The following ZKSCAN7 variants were observed in gnomAD, a reference collection of about 807,000 sequenced individuals.
ZKSCAN7 encodes zinc finger with KRAB and SCAN domains 7, also known as zinc finger protein with KRAB and SCAN domains 7.
Under a neutral mutation model 65.3 loss-of-function variants are expected in ZKSCAN7, and 38 were observed. The ratio of observed to expected loss-of-function variants is 0.58; its 90% confidence interval spans 0.45 to 0.76. The LOEUF is 0.76. Ranked by LOEUF, ZKSCAN7 falls within the 30% of genes least tolerant of loss-of-function variation. The probability of loss-of-function intolerance (pLI) is 0.00; values close to 1 mark genes in which losing one functional copy is unlikely to be tolerated. For missense variants in ZKSCAN7, 815 were observed against 913.3 expected (o/e 0.89, Z 1.39); for synonymous variants, 321 against 321.0 (o/e 1.00, Z 0.00).
intron 3 of ZKSCAN7, among the ~76,000 whole-genome samples, chr3:44,566,017 C>T (rs975665066): frequency 6.6e-6 from 1 of 152,194 alleles, no homozygotes; most frequent in Non-Finnish European, 1.5e-5. Context: ...GCATTTGATC[C>T]TGTCACAAAT....
chr3:44,567,883 C>T, intron 3 of ZKSCAN7, 29 bp from the exon 4 acceptor site: 1 of 675,464 alleles, frequency 1.5e-6, no homozygotes, highest in Admixed American at 2.8e-5. Flanking sequence ...CAGGGCTTGT[C>T]CCACTCATAG....
intron 5 of ZKSCAN7, among the ~76,000 whole-genome samples, chr3:44,581,210 G>C (rs1466675664): frequency 6.8e-6 from 1 of 147,130 alleles, no homozygotes; most frequent in African/African-American, 2.4e-5. Context: ...CTCACAGCGC[G>C]CGCGACGCCC....
chr3:44,578,803 C>T (rs1013957344), intron 5 of ZKSCAN7, among the ~76,000 whole-genome samples: 1 of 152,202 alleles, frequency 6.6e-6, no homozygotes, highest in Non-Finnish European at 1.5e-5. Flanking sequence ...GCTGGTGCTG[C>T]CTCTGGAGAT....
downstream of ZKSCAN7, among the ~76,000 whole-genome samples, chr3:44,575,164 T>G (rs1438167208): frequency 3.9e-5 from 6 of 152,132 alleles, no homozygotes; most frequent in Non-Finnish European, 8.8e-5. Context: ...GGTGTATTGG[T>G]GCATGCCTTT....
chr3:44,557,165 A>C lies in ZKSCAN7; in HGVS notation c.118A>C (p.Ser40Arg), dbSNP rs1699318317. Reference sequence around the variant, plus strand: ...AGCAAACCAGACCTGGGGGCAGGGCAGCAGTCTCCAGAAGAACTATCCTCC... The same window carrying C: ...AGCAAACCAGACCTGGGGGCAGGGCCGCAGTCTCCAGAAGAACTATCCTCC... ...EPANQTWGQG[S>R]SLQKNYPPVC... The change falls in exon 2 of 6, where the codon AGC (serine) becomes CGC (arginine). Residue 40 changes from serine to arginine, a missense_variant. Transcript: ENST00000426540. The C allele has an allele frequency of 1.2e-6, 2 of 1,614,268 alleles. No individual in the cohort carries two copies. Among genetic ancestry groups the C allele is most frequent in the Non-Finnish European group, 1.7e-6 (2 of 1,180,048 alleles).
At position 44,583,071 on chromosome 3, in the gene ZKSCAN7, C is replaced by T. The variant is rs1325146328; in HGVS notation, c.*80C>T. ...ACTCCTGAGTAGCTGGGATTACAGG[C>T]GCCTGCCACCATGCCCAGCTAATTT... On this transcript the variant is annotated 3_prime_UTR_variant, in exon 6 of 6. Transcript: ENST00000341840. The T allele has an allele frequency of 2.4e-5, 9 of 375,674 alleles. No individual in the cohort carries two copies. The East Asian group carries it at 4.6e-4, about 19-fold the overall frequency. 23.3% of individuals were successfully genotyped at this position (375,674 alleles called of 1,614,324 possible).
chr3:44,571,593 C>A lies in ZKSCAN7; in HGVS notation c.*218C>A. The A allele has an allele frequency of 7.5e-7, 1 of 1,338,676 alleles. No homozygotes were observed. The highest frequency in any genetic ancestry group is 9.5e-7 in the Non-Finnish European group (1 of 1,048,482). 82.9% of individuals were successfully genotyped at this position (1,338,676 alleles called of 1,614,324 possible). ...ACACATGTCATTGAATTGTAGGTTT[C>A]CTTTTTTTTTCTTTACTTTTAAATT... On this transcript the variant is annotated 3_prime_UTR_variant, in exon 6 of 6. Transcript: ENST00000426540.
chr3:44,569,296 G>A (rs184199343), intron 5 of ZKSCAN7, among the ~76,000 whole-genome samples: 22 of 152,306 alleles, frequency 1.4e-4, no homozygotes, highest in Non-Finnish European at 2.2e-4. Context: ...GCAAACACTG[G>A]GGCAGAACAG....
chr3:44,568,478 A>C (rs376875765), intron 5 of ZKSCAN7, 45 bp downstream of exon 5: 1 of 1,588,656 alleles, frequency 6.3e-7, no homozygotes, highest in African/African-American at 1.4e-5. Context: ...CATGCTGCAC[A>C]ATCTCTTTTC....
intron 2 of ZKSCAN7, among the ~76,000 whole-genome samples, chr3:44,560,074 C>T (rs949496609): frequency 6.6e-6 from 1 of 152,136 alleles, no homozygotes; most frequent in African/African-American, 2.4e-5. Flanking sequence ...AGCTAGCAGC[C>T]TCAGAAAAGG....
intron 3 of ZKSCAN7, among the ~76,000 whole-genome samples, chr3:44,566,141 A>G (rs949995006): frequency 1.3e-5 from 2 of 152,220 alleles, no homozygotes; most frequent in African/African-American, 4.8e-5. Context: ...GGCAGTAAAA[A>G]TGTGGAAGAA....
At position 44,557,251 on chromosome 3, in the gene ZKSCAN7, G is replaced by C; in HGVS notation, c.204G>C (p.Pro68=). Reference sequence around the variant, plus strand: ...TGTGTTACCACGAGATGTCTGGGCCGCAGGAAGCATTGAGCCGGCTTCGGG... The same window carrying C: ...TGTGTTACCACGAGATGTCTGGGCCCCAGGAAGCATTGAGCCGGCTTCGGG... ...RQLCYHEMSG[P]QEALSRLREL... The change falls in exon 2 of 6, where the codon CCG becomes CCC. Residue 68 remains proline, a synonymous_variant. Transcript: ENST00000426540. The C allele has an allele frequency of 6.2e-7, 1 of 1,614,288 alleles. No individual in the cohort carries two copies. Among genetic ancestry groups the C allele is most frequent in the South Asian group, 1.1e-5 (1 of 91,090 alleles).
Position 44,565,646 on chromosome 3 carries a change from G to A in ZKSCAN7, c.583G>A (p.Gly195Arg), listed in dbSNP as rs762487517. 2 of 1,598,462 alleles carry A rather than the reference G, an allele frequency of 1.3e-6. No individual in the cohort carries two copies. The highest frequency in any genetic ancestry group is 1.3e-5 in the African/African-American group (1 of 74,332). The part of the protein sequence containing the change: ...YDPGTHHLPS[G>R]DFAQCTSPVP... ...CCCAGGGACACACCACCTCCCCAGT[G>A]GGGACTTCGGTACTTATCTCCCCAG... Residue 195 changes from glycine to arginine, a missense_variant, in exon 3 of 6, where the codon GGG becomes AGG. By Grantham distance (125) the Gly-to-Arg change is moderately radical. This residue lies in a region of ZKSCAN7 where 227 missense variants were observed against 253.3 expected (regional missense o/e 0.90). Coordinates refer to ENST00000426540, the MANE Select transcript of ZKSCAN7 (RefSeq NM_001288590.2).
At chr3:44,569,411 CT>C (rs1699727651) in intron 5 of ZKSCAN7, among the ~76,000 whole-genome samples, 1 of 152,158 alleles carries the variant, frequency 6.6e-6, no homozygotes, top group African/African-American at 2.4e-5. Flanking sequence ...GTACACTTTC[CT>C]TATCATACCT....
At chr3:44,565,429 T>C in intron 2 of ZKSCAN7, 58 bp from the exon 3 acceptor site, 5 of 1,483,486 alleles carry the variant, frequency 3.4e-6, no homozygotes, top group Non-Finnish European at 4.5e-6. Flanking sequence ...TTAGAGGTTT[T>C]GGGTTCAGTA....
chr3:44,579,779 C>G (rs576519964), intron 5 of ZKSCAN7, among the ~76,000 whole-genome samples: 1 of 152,346 alleles, frequency 6.6e-6, no homozygotes, highest in African/African-American at 2.4e-5. Context: ...CACTGAATCC[C>G]TGTAGTATCT....
chr3:44,580,829 A>T, intron 5 of ZKSCAN7: 1 of 1,613,334 alleles, frequency 6.2e-7, no homozygotes, highest in Non-Finnish European at 8.5e-7. Flanking sequence ...GCCATTTCGG[A>T]GACCGGTGCA....
intron 2 of ZKSCAN7, among the ~76,000 whole-genome samples, chr3:44,559,742 A>T (rs112495573): frequency 2.0e-5 from 3 of 152,228 alleles, no homozygotes; most frequent in African/African-American, 7.2e-5. Context: ...AATGCTTTTT[A>T]AAAAATGATT....
intron 5 of ZKSCAN7, chr3:44,578,335 A>G: frequency 1.2e-6 from 2 of 1,600,130 alleles, no homozygotes; most frequent in Non-Finnish European, 1.7e-6. Context: ...CTTCTAGTTC[A>G]TAGGCATCCT....
Sources: allele counts gnomAD v4.1 joint callset (sites outside exome capture counted in the v4.1 genomes callset), GRCh38; gene constraint gnomAD v4.1.1; regional missense constraint gnomAD v4.1.1; transcripts MANE v1.5; gene names NCBI Gene and HGNC (gene_info 2026-07-23, HGNC 2026-07-21).